The following NRCAM variants were observed in gnomAD, a reference collection of about 807,000 sequenced individuals.
NRCAM encodes the protein neuronal cell adhesion molecule, also known as NgCAM-related cell adhesion molecule.
Under a neutral mutation model 156.5 loss-of-function variants are expected in NRCAM, and 83 were observed. The ratio of observed to expected loss-of-function variants is 0.53; its 90% confidence interval spans 0.44 to 0.64. The LOEUF is 0.64. Ranked by LOEUF, NRCAM falls within the 30% of genes least tolerant of loss-of-function variation. The pLI, the probability that NRCAM is intolerant of heterozygous loss-of-function variation, is 0.00. For synonymous variants in NRCAM, 538 were observed against 563.9 expected (o/e 0.95, Z 0.65); for missense variants, 1,417 against 1,597.3 (o/e 0.89, Z 1.92).
chr7:108,362,618 T>C (rs1038019065), intron 2 of NRCAM, among the ~76,000 whole-genome samples: 11 of 152,118 alleles, frequency 7.2e-5, no homozygotes, highest in African/African-American at 2.7e-4. Context: ...AAGTACATGG[T>C]TGGTGGATGG....
rs1311443681 is a variant in NRCAM, at chr7:108,261,374, A to C, written c.-106-21204T>G. On this transcript the variant is annotated intron_variant, in intron 3 of 32. Coordinates refer to ENST00000379028, the MANE Select transcript of NRCAM (RefSeq NM_001037132.4). ...AAGTTAGGTCTGTTGTCCAGTAAGT[A>C]GATAGTATAGCTCTCTTTTGCTCCA... Among the ~76,000 whole-genome samples the C allele has an allele frequency of 3.9e-5, 6 of 152,208 alleles. 1 individual carries two copies.
chr7:108,381,518 C>T (rs190188284), intron 2 of NRCAM, among the ~76,000 whole-genome samples: 1 of 149,082 alleles, frequency 6.7e-6, no homozygotes, highest in Admixed American at 6.7e-5. Context: ...TAAAGAGTTG[C>T]TTTGAGCTGG....
rs752888953 is a variant in NRCAM at position 108,226,289 on chromosome 7, C to T, written c.640G>A (p.Glu214Lys). 44 of 1,606,916 alleles carry T rather than the reference C, an allele frequency of 2.7e-5. No individual in the cohort carries two copies. The highest frequency in any genetic ancestry group is 1.3e-4 in the African/African-American group (10 of 74,680). Residue 214 changes from glutamate (E) to lysine (K), a missense_variant, in exon 9 of 33, where the codon GAA (glutamate) becomes AAA (lysine). Transcript: ENST00000379028. ...AATCTAGCATAACAGATATAGTCTTCGCGGGTGTCCTCTGGGAGGACATTG... is the reference window on the plus strand; with the variant it reads ...AATCTAGCATAACAGATATAGTCTTTGCGGGTGTCCTCTGGGAGGACATTG... ...FSNVLPEDTR[E>K]DYICYARFNH...
chr7:108,252,443 T>C (rs2096404527), intron 3 of NRCAM, among the ~76,000 whole-genome samples: 1 of 152,246 alleles, frequency 6.6e-6, no homozygotes, highest in South Asian at 2.1e-4. Context: ...GTTCTCCAAC[T>C]CCTCTCACAA....
intron 13 of NRCAM, among the ~76,000 whole-genome samples, chr7:108,204,042 T>A (rs748288020): frequency 6.6e-6 from 1 of 152,130 alleles, no homozygotes; most frequent in Non-Finnish European, 1.5e-5. Context: ...CCGTGCTAGA[T>A]GTGGGGTGCA....
At position 108,221,237 on chromosome 7, in the gene NRCAM, T is replaced by C. The variant is rs925016114; in HGVS notation, c.890+2488A>G. Among the ~76,000 whole-genome samples the C allele has an allele frequency of 2.0e-5, 3 of 152,198 alleles. No homozygotes were observed. In the South Asian group the frequency reaches 6.2e-4, roughly 32 times the overall value. Reference sequence around the variant, plus strand: ...GGATGCGGTTATCAGGGAACACTTCTACAGTGCTGGTGGGAATGTAAACTA... The same window carrying C: ...GGATGCGGTTATCAGGGAACACTTCCACAGTGCTGGTGGGAATGTAAACTA... On this transcript the variant is annotated intron_variant, in intron 11 of 32. Transcript: ENST00000379028.
chr7:108,420,062 G>C (rs1807293143), intron 1 of NRCAM, among the ~76,000 whole-genome samples: 1 of 151,792 alleles, frequency 6.6e-6, no homozygotes, highest in African/African-American at 2.4e-5. Context: ...GTGTGTGTGT[G>C]TGTGTGTGTT....
At chr7:108,299,117 A>AAAAAAAAAAAAG (rs71137624) in intron 3 of NRCAM, among the ~76,000 whole-genome samples, 1 of 91,996 alleles carries the variant, frequency 1.1e-5, no homozygotes, top group Admixed American at 1.1e-4. Flanking sequence ...AAAAAAAAAA[A>AAAAAAAAAAAAG]GAAAGAAAGA....
Position 108,182,781 on chromosome 7 carries a change from A to G in NRCAM, c.2444T>C (p.Val815Ala), listed in dbSNP as rs750448182. ...GGCCTGAACTTTGATCAGGTATGGA[A>G]CAAAGGTTGGCGTGCCTGAGACAAT... is the stretch of plus-strand genomic sequence containing the variant. Reference protein sequence around the residue: ...KYIVSGTPTFVPYLIKVQALN... With the variant: ...KYIVSGTPTFAPYLIKVQALN... The change falls in exon 23 of 33, where the codon GTT becomes GCT. Residue 815 changes from valine to alanine, a missense_variant. Physicochemically the swap from Val to Ala is moderately conservative, Grantham distance 64. This residue lies in a region of NRCAM where 1,238 missense variants were observed against 1,336.4 expected (regional missense o/e 0.93). Coordinates refer to ENST00000379028, the MANE Select transcript of NRCAM (RefSeq NM_001037132.4). 6.2e-7 allele frequency: 1 copy of G among 1,614,208 alleles called. No homozygotes were observed. The highest frequency in any genetic ancestry group is 1.1e-5 in the South Asian group (1 of 91,080).
intron 29 of NRCAM, among the ~76,000 whole-genome samples, chr7:108,167,796 G>A (rs1487095395): frequency 2.0e-5 from 3 of 152,142 alleles, no homozygotes; most frequent in East Asian, 3.8e-4. Flanking sequence ...TACATCAAAC[G>A]TTAAAACATA....
chr7:108,218,173 T>TGGG (rs34435583), intron 11 of NRCAM, among the ~76,000 whole-genome samples: 13 of 118,670 alleles, frequency 1.1e-4, no homozygotes, highest in African/African-American at 4.1e-4. Context: ...TTCCCTTGGC[T>TGGG]GGGGGGGGGG....
At position 108,406,728 on chromosome 7, in the gene NRCAM, A is replaced by C. The variant is rs1445166130; in HGVS notation, c.-331-7135T>G. Among the ~76,000 whole-genome samples, 4 of 152,356 alleles carry C rather than the reference A, an allele frequency of 2.6e-5. No individual in the cohort carries two copies. The South Asian group carries it at 6.2e-4, about 24-fold the overall frequency. ...CAACCTTGAACTTGAGTTTAATAGA[A>C]TAAACAAAACAATTTGCTTTGATGA... On this transcript the variant is annotated intron_variant, in intron 1 of 32. Coordinates refer to ENST00000379028, the MANE Select transcript of NRCAM (RefSeq NM_001037132.4).
intron 3 of NRCAM, among the ~76,000 whole-genome samples, chr7:108,271,970 T>A (rs764120219): frequency 6.6e-6 from 1 of 152,174 alleles, no homozygotes; most frequent in East Asian, 1.9e-4. Flanking sequence ...AATGAAGTGA[T>A]TGATTTTATC....
intron 30 of NRCAM, among the ~76,000 whole-genome samples, chr7:108,162,857 G>A (rs1211688625): frequency 6.6e-6 from 1 of 152,120 alleles, no homozygotes; most frequent in Non-Finnish European, 1.5e-5. Context: ...TGTGTAAATG[G>A]AATAAAAATT....
At chr7:108,201,976 G>C (rs555757248) in intron 13 of NRCAM, among the ~76,000 whole-genome samples, 1 of 152,178 alleles carries the variant, frequency 6.6e-6, no homozygotes, top group Non-Finnish European at 1.5e-5. Flanking sequence ...GGCTCGGTTG[G>C]TAGCTGGACA....
In NRCAM at chr7:108,456,417, G is replaced by C. The variant is rs1466024016; in HGVS notation, c.-506C>G. The stretch of plus-strand genomic sequence containing the variant: ...CGGACTGCGGCGCGCGTCCGCCAGC[G>C]ACCCTGGCGAAGCGAGGCTGGCCCC... On this transcript the variant is annotated 5_prime_UTR_variant, in exon 1 of 33. Transcript: ENST00000379028. 1 of 150,566 alleles carries C rather than the reference G, an allele frequency of 6.6e-6. No individual in the cohort carries two copies. Among genetic ancestry groups the C allele is most frequent in the Non-Finnish European group, 1.5e-5 (1 of 67,474 alleles). 9.3% of individuals were successfully genotyped at this position (150,566 alleles called of 1,614,324 possible).
At chr7:108,180,783 A>G (rs7783797) in intron 24 of NRCAM, among the ~76,000 whole-genome samples, 1,591 of 152,348 alleles carry the variant, frequency 0.01, 29 homozygotes, top group African/African-American at 0.036. Context: ...AATAAAAATT[A>G]CTGCCCAATG....
intron 7 of NRCAM, among the ~76,000 whole-genome samples, chr7:108,231,680 A>G (rs189493574): frequency 2.6e-5 from 4 of 152,314 alleles, no homozygotes; most frequent in Non-Finnish European, 4.4e-5. Flanking sequence ...AATAGAAAGA[A>G]TATTTCAGCA....
chr7:108,262,271 G>C (rs916107354), intron 3 of NRCAM, among the ~76,000 whole-genome samples: 1 of 152,080 alleles, frequency 6.6e-6, no homozygotes, highest in Non-Finnish European at 1.5e-5. Context: ...TTGGTCCCTT[G>C]ATGCACCCAC....
Sources: allele counts gnomAD v4.1 joint callset (sites outside exome capture counted in the v4.1 genomes callset), GRCh38; gene constraint gnomAD v4.1.1; regional missense constraint gnomAD v4.1.1; transcripts MANE v1.5; gene names NCBI Gene and HGNC (gene_info 2026-07-23, HGNC 2026-07-21).